MTUS1: variants seen among roughly 807,000 people sequenced by gnomAD.
The protein encoded by MTUS1 is microtubule associated scaffold protein 1.
MTUS1 carries 109 observed loss-of-function variants against 120.8 expected under a neutral mutation model. That is an observed-to-expected ratio of 0.90 (90% CI 0.77 to 1.06). The LOEUF is 1.06. MTUS1 is among the 50% of genes least tolerant of loss of function. The pLI is 0.00. For missense variants in MTUS1, 2,210 were observed against 1,486.3 expected (o/e 1.49, Z -8.01); for synonymous variants, 737 against 550.5 (o/e 1.34, Z -4.74).
At chr8:17,666,805 A>C (rs1316938933) in intron 8 of MTUS1, among the ~76,000 whole-genome samples, 1 of 152,102 alleles carries the variant, frequency 6.6e-6, no homozygotes, top group Non-Finnish European at 1.5e-5. Flanking sequence ...ATTGGGAAGC[A>C]CCTATTACTA....
chr8:17,682,030 C>T (rs962114851), intron 7 of MTUS1, among the ~76,000 whole-genome samples: 36 of 152,220 alleles, frequency 2.4e-4, no homozygotes, highest in Non-Finnish European at 2.8e-4. Context: ...CTCAATTCAA[C>T]GGATTTACAT....
In MTUS1 at chr8:17,796,171, G is replaced by C. The variant is rs566273945; in HGVS notation, c.-155+4890C>G. Among the ~76,000 whole-genome samples the C allele has an allele frequency of 5.9e-5, 9 of 151,988 alleles. No homozygotes were observed. The South Asian group carries it at 1.2e-3, about 21-fold the overall frequency. On this transcript the variant is annotated intron_variant, in intron 1 of 14. Transcript: ENST00000693296. Reference sequence around the variant, plus strand: ...TCACTATGTTGGCCAGGGTAGTCTAGAACTCCTGACCTGAAGTGATCCGCT... The same window carrying C: ...TCACTATGTTGGCCAGGGTAGTCTACAACTCCTGACCTGAAGTGATCCGCT...
intron 1 of MTUS1, among the ~76,000 whole-genome samples, chr8:17,785,678 A>G (rs1342461483): frequency 6.6e-6 from 1 of 152,220 alleles, no homozygotes; most frequent in African/African-American, 2.4e-5. Context: ...ACCGTGTTCA[A>G]GTCAACATTC....
intron 6 of MTUS1, among the ~76,000 whole-genome samples, chr8:17,706,409 T>A (rs1441164777): frequency 6.6e-6 from 1 of 152,152 alleles, no homozygotes; most frequent in Non-Finnish European, 1.5e-5. Context: ...TAAAAGTTCG[T>A]TCTCCTCCTG....
chr8:17,721,251 G>T (rs987730832), intron 4 of MTUS1, among the ~76,000 whole-genome samples: 1 of 152,140 alleles, frequency 6.6e-6, no homozygotes, highest in African/African-American at 2.4e-5. Flanking sequence ...AATTTTCAGC[G>T]CGAGATGATT....
At chr8:17,793,991 G>A (rs534036008) in intron 1 of MTUS1, among the ~76,000 whole-genome samples, 1 of 152,194 alleles carries the variant, frequency 6.6e-6, no homozygotes, top group African/African-American at 2.4e-5. Flanking sequence ...CTACCTCAGT[G>A]TTTGGCCCAT....
chr8:17,650,376 G>A (rs79405053), intron 12 of MTUS1, among the ~76,000 whole-genome samples: 10,353 of 152,132 alleles, frequency 0.068, 444 homozygotes, highest in African/African-American at 0.1. Context: ...TGCATTATAC[G>A]GCTCTCTGGA....
chr8:17,688,536 C>T (rs966831263), intron 6 of MTUS1, among the ~76,000 whole-genome samples: 1 of 152,228 alleles, frequency 6.6e-6, no homozygotes, highest in Non-Finnish European at 1.5e-5. Context: ...AGGTCTCTCT[C>T]TGCTAGCGGC....
intron 8 of MTUS1, among the ~76,000 whole-genome samples, chr8:17,660,583 TATTA>T (rs1809461170): frequency 6.6e-6 from 1 of 152,148 alleles, no homozygotes; most frequent in Admixed American, 6.5e-5. Flanking sequence ...GCAATTCTAT[TATTA>T]ATTATTTGAA....
At chr8:17,722,033 A>G in intron 4 of MTUS1, 1 of 1,336,010 alleles carries the variant, frequency 7.5e-7, no homozygotes. Context: ...GGCACTACAC[A>G]AAACAGATTA....
chr8:17,667,148 G>A (rs984989658), intron 8 of MTUS1, among the ~76,000 whole-genome samples: 1 of 152,152 alleles, frequency 6.6e-6, no homozygotes, highest in Non-Finnish European at 1.5e-5. Context: ...GAAAGAACAT[G>A]GCCTTTTACT....
chr8:17,787,041 G>T (rs566236513), intron 1 of MTUS1, among the ~76,000 whole-genome samples: 1 of 152,200 alleles, frequency 6.6e-6, no homozygotes, highest in South Asian at 2.1e-4. Context: ...GCTGAAAAGC[G>T]ATCGGAAGCT....
intron 4 of MTUS1, among the ~76,000 whole-genome samples, chr8:17,719,805 AC>A (rs1823056434): frequency 6.6e-6 from 1 of 152,198 alleles, no homozygotes; most frequent in Non-Finnish European, 1.5e-5. Context: ...AAAACAAAAA[AC>A]AAAAAACTAA....
intron 2 of MTUS1, among the ~76,000 whole-genome samples, chr8:17,744,785 C>A (rs1034068301): frequency 6.9e-6 from 1 of 145,788 alleles, no homozygotes; most frequent in East Asian, 2.1e-4. Flanking sequence ...ACTTCGTGAT[C>A]TGCCGCCTCG....
chr8:17,760,806 GAAA>G lies in MTUS1; in HGVS notation c.-154-4848_-154-4846del, dbSNP rs201911502. ...AAAAAGACAGAGAGTGTGCTGGAGGGAAAAAAAAAAAAAAAACTTGAAACAAAC... is the reference window on the plus strand; with the variant it reads ...AAAAAGACAGAGAGTGTGCTGGAGGGAAAAAAAAAAAAACTTGAAACAAAC... On this transcript the variant is annotated intron_variant, in intron 1 of 14. Coordinates refer to ENST00000693296, the MANE Select transcript of MTUS1 (RefSeq NM_001363059.2). Among the ~76,000 whole-genome samples, 96 of 136,958 alleles carry G rather than the reference GAAA, an allele frequency of 7.0e-4. No individual in the cohort carries two copies. The Middle Eastern group carries it at 0.039, about 55-fold the overall frequency. 89.8% of individuals were successfully genotyped at this position (136,958 alleles called of 152,430 possible).
chr8:17,742,773 G>T (rs1463222238), intron 3 of MTUS1, among the ~76,000 whole-genome samples: 1 of 152,192 alleles, frequency 6.6e-6, no homozygotes, highest in Non-Finnish European at 1.5e-5. Flanking sequence ...GAGGTACAGA[G>T]ATCTTCTGGG....
chr8:17,668,394 A>T (rs1441723370), intron 8 of MTUS1, among the ~76,000 whole-genome samples: 1 of 152,214 alleles, frequency 6.6e-6, no homozygotes, highest in Non-Finnish European at 1.5e-5. Flanking sequence ...AACTCTAAAG[A>T]TCATAATCAT....
intron 1 of MTUS1, among the ~76,000 whole-genome samples, chr8:17,783,978 G>A (rs2051095418): frequency 6.6e-6 from 1 of 152,138 alleles, no homozygotes; most frequent in Non-Finnish European, 1.5e-5. Flanking sequence ...AGATGGCAGA[G>A]AAATGTTCTA....
At chr8:17,681,870 A>C (rs1026318646) in intron 7 of MTUS1, among the ~76,000 whole-genome samples, 3 of 152,140 alleles carry the variant, frequency 2.0e-5, no homozygotes, top group African/African-American at 7.2e-5. Context: ...GATGAAGCTA[A>C]TTTTAATAAC....
Sources: gnomAD v4.1 joint callset for allele counts (sites outside exome capture counted in the v4.1 genomes callset) on GRCh38, gnomAD v4.1.1 for gene constraint, MANE v1.5 for transcripts, NCBI Gene and HGNC (gene_info 2026-07-23, HGNC 2026-07-21) for gene names.